The following SLC35F3 variants were observed in gnomAD, a reference collection of about 807,000 sequenced individuals.
SLC35F3 encodes the protein putative thiamine transporter SLC35F3.
A neutral mutation model predicts 49.9 loss-of-function variants in SLC35F3; 25 were observed. That is an observed-to-expected ratio of 0.50 (90% CI 0.37 to 0.70). The LOEUF (loss-of-function observed/expected upper bound fraction) is 0.70. SLC35F3 is among the 30% of genes least tolerant of loss of function. The pLI is 0.00. For synonymous variants in SLC35F3, 275 were observed against 265.4 expected, an observed-to-expected ratio of 1.04 and a Z score of -0.35; for missense variants, 525 against 639.8, an observed-to-expected ratio of 0.82 and a Z score of 1.94.
intron 3 of SLC35F3, among the ~76,000 whole-genome samples, chr1:234,255,377 T>C (rs1667804257): frequency 6.6e-6 from 1 of 152,190 alleles, no homozygotes; most frequent in African/African-American, 2.4e-5. Flanking sequence ...TGTGGAGCAA[T>C]AGGAACTCTT....
chr1:234,001,667 A>C (rs1360772955), intron 2 of SLC35F3, among the ~76,000 whole-genome samples: 1 of 152,156 alleles, frequency 6.6e-6, no homozygotes, highest in African/African-American at 2.4e-5. Flanking sequence ...TACTGTTGGT[A>C]GTTGATTATT....
chr1:234,015,691 T>C (rs1218183634), intron 2 of SLC35F3, among the ~76,000 whole-genome samples: 1 of 152,086 alleles, frequency 6.6e-6, no homozygotes, highest in Non-Finnish European at 1.5e-5. Flanking sequence ...ACATAAGACC[T>C]GAAACTGTAA....
At chr1:234,083,358 C>T (rs756860385) in intron 2 of SLC35F3, among the ~76,000 whole-genome samples, 53 of 152,340 alleles carry the variant, frequency 3.5e-4, no homozygotes, top group African/African-American at 1.1e-3. Flanking sequence ...GTATCACCTG[C>T]GCTACTTCAT....
At chr1:234,144,936 A>G (rs1425646028) in intron 2 of SLC35F3, among the ~76,000 whole-genome samples, 2 of 152,218 alleles carry the variant, frequency 1.3e-5, no homozygotes, top group African/African-American at 4.8e-5. Context: ...CAGCTGTAGG[A>G]AATAGCATGT....
chr1:233,963,489 G>A (rs1360964506), intron 2 of SLC35F3, among the ~76,000 whole-genome samples: 1 of 152,030 alleles, frequency 6.6e-6, no homozygotes, highest in Non-Finnish European at 1.5e-5. Context: ...TTTTAGTAGA[G>A]ATGGGGTTTC....
chr1:234,278,662 C>T (rs772218872), intron 3 of SLC35F3, among the ~76,000 whole-genome samples: 1 of 152,128 alleles, frequency 6.6e-6, no homozygotes, highest in Non-Finnish European at 1.5e-5. Flanking sequence ...ATGTACTTCT[C>T]ACAGTTCTGG....
chr1:233,974,287 C>G (rs1207577016), intron 2 of SLC35F3, among the ~76,000 whole-genome samples: 2 of 145,050 alleles, frequency 1.4e-5, no homozygotes, highest in Admixed American at 7.2e-5. Flanking sequence ...TGGGTTCAAG[C>G]AATTCTCCTT....
chr1:234,025,666 T>A (rs1663966064), intron 2 of SLC35F3, among the ~76,000 whole-genome samples: 2 of 152,162 alleles, frequency 1.3e-5, no homozygotes, highest in African/African-American at 4.8e-5. Flanking sequence ...TTAATGGGAT[T>A]ATTTGGGTTT....
intron 3 of SLC35F3, among the ~76,000 whole-genome samples, chr1:234,245,360 A>G (rs1231883397): frequency 2.6e-5 from 4 of 152,094 alleles, no homozygotes; most frequent in African/African-American, 7.2e-5. Context: ...TTCTTTATCC[A>G]TTTGTCCATT....
chr1:234,056,090 A>G (rs1176755364), intron 2 of SLC35F3, among the ~76,000 whole-genome samples: 7 of 151,948 alleles, frequency 4.6e-5, no homozygotes, highest in Admixed American at 2.6e-4. Context: ...TCCTGAATTG[A>G]TTTGAGTGTC....
At chr1:233,951,154 C>T (rs1228766217) in intron 2 of SLC35F3, among the ~76,000 whole-genome samples, 1 of 151,076 alleles carries the variant, frequency 6.6e-6, no homozygotes, top group African/African-American at 2.5e-5. Flanking sequence ...TTTGAAAGAA[C>T]ATAGAGTCAT....
chr1:234,228,735 GTGTA>G (rs1373830899), intron 2 of SLC35F3, among the ~76,000 whole-genome samples: 1 of 152,120 alleles, frequency 6.6e-6, no homozygotes, highest in African/African-American at 2.4e-5. Context: ...AGAGGGGTGT[GTGTA>G]TGTGTGTGTG....
chr1:233,974,174 C>CTTTTTTTTTTTTTTTTTTTTTTT (rs757673463), intron 2 of SLC35F3, among the ~76,000 whole-genome samples: 2 of 83,096 alleles, frequency 2.4e-5, no homozygotes, highest in African/African-American at 1.1e-4. Context: ...ATTTCTATTT[C>CTTTTTTTTTTTTTTTTTTTTTTT]TTTTTTTTTT....
chr1:233,928,785 C>T (rs761177981), intron 2 of SLC35F3, among the ~76,000 whole-genome samples: 182 of 152,104 alleles, frequency 1.2e-3, no homozygotes, highest in Admixed American at 2.4e-3. Context: ...AAATATAATT[C>T]GACTTCCGAA....
chr1:233,913,713 G>T (rs962438806), intron 2 of SLC35F3, among the ~76,000 whole-genome samples: 3 of 152,196 alleles, frequency 2.0e-5, no homozygotes, highest in African/African-American at 7.2e-5. Context: ...GAATTATCCT[G>T]CATAGAAACA....
At chr1:234,258,237 G>T (rs1399820240) in intron 3 of SLC35F3, among the ~76,000 whole-genome samples, 2 of 152,212 alleles carry the variant, frequency 1.3e-5, no homozygotes, top group South Asian at 2.1e-4. Context: ...GGGGGTCAAA[G>T]CTGTCTTCTT....
chr1:234,236,089 G>A (rs1166412692), intron 3 of SLC35F3, among the ~76,000 whole-genome samples: 1 of 152,048 alleles, frequency 6.6e-6, no homozygotes, highest in Non-Finnish European at 1.5e-5. Context: ...GTGGGGGAAG[G>A]CCCAGATACA....
intron 2 of SLC35F3, among the ~76,000 whole-genome samples, chr1:234,088,970 C>T (rs951927127): frequency 4.6e-5 from 7 of 152,140 alleles, no homozygotes; most frequent in Non-Finnish European, 7.4e-5. Context: ...CCATGTTGCC[C>T]AGGCTGGTCT....
At chr1:234,263,473 G>T (rs985933673) in intron 3 of SLC35F3, among the ~76,000 whole-genome samples, 23 of 152,064 alleles carry the variant, frequency 1.5e-4, no homozygotes, top group African/African-American at 4.6e-4. Flanking sequence ...GGGCTTTGTT[G>T]ACTCGGGAGA....
Sources: gnomAD v4.1 joint callset for allele counts (sites outside exome capture counted in the v4.1 genomes callset) on GRCh38, gnomAD v4.1.1 for gene constraint, MANE v1.5 for transcripts, NCBI Gene and HGNC (gene_info 2026-07-23, HGNC 2026-07-21) for gene names.